RBFOX3: variants seen among roughly 807,000 people sequenced by gnomAD.
RBFOX3 encodes RNA binding protein fox-1 homolog 3.
In RBFOX3, 17 loss-of-function variants were observed where a neutral mutation model predicts 48.7. That is an observed-to-expected ratio of 0.35 (90% confidence interval 0.24 to 0.52). The LOEUF is 0.52. Among genes scored for constraint, RBFOX3 ranks in the 20% least tolerant of loss-of-function variants. The probability of loss-of-function intolerance (pLI) is 0.94; values close to 1 mark genes in which losing one functional copy is unlikely to be tolerated. For missense variants in RBFOX3, 382 were observed against 497.5 expected (o/e 0.77, Z 2.21); for synonymous variants, 212 against 209.5 (o/e 1.01, Z -0.10).
chr17:79,387,460 C>T (rs960880467), intron 2 of RBFOX3, among the ~76,000 whole-genome samples: 11 of 152,362 alleles, frequency 7.2e-5, no homozygotes, highest in Middle Eastern at 3.4e-3. Context: ...CTCAGCTTTC[C>T]GGCAGGGCCT....
chr17:79,578,077 G>A (rs930979057), intron 1 of RBFOX3, among the ~76,000 whole-genome samples: 6 of 152,232 alleles, frequency 3.9e-5, no homozygotes, highest in South Asian at 4.1e-4. Context: ...CTGGCTTTCC[G>A]GATGGGCAGG....
At chr17:79,333,101 AAG>A (rs34328795) in intron 2 of RBFOX3, among the ~76,000 whole-genome samples, 29,004 of 151,450 alleles carry the variant, frequency 0.19, 3,723 homozygotes, top group Non-Finnish European at 0.29. Flanking sequence ...CACAGAGAAA[AAG>A]AGAGAGAGAG....
chr17:79,665,357 C>G, the RBFOX3 span, among the ~76,000 whole-genome samples: 2 of 149,986 alleles, frequency 1.3e-5, no homozygotes, highest in Non-Finnish European at 3.0e-5. Context: ...CAGAGCTGCA[C>G]GAAATCTCCT....
chr17:79,565,139 GTATT>G (rs1167776835), intron 1 of RBFOX3, among the ~76,000 whole-genome samples: 77,146 of 151,110 alleles, frequency 0.51, 21,169 homozygotes, highest in South Asian at 0.66. Context: ...TTTAAAATAT[GTATT>G]TTTTTAAAAG....
At chr17:79,231,107 G>A (rs1347000243) in intron 4 of RBFOX3, among the ~76,000 whole-genome samples, 2 of 152,182 alleles carry the variant, frequency 1.3e-5, no homozygotes, top group African/African-American at 4.8e-5. Flanking sequence ...GTCAAGCCTG[G>A]TGTACTCCCT....
intron 4 of RBFOX3, among the ~76,000 whole-genome samples, chr17:79,223,647 T>C (rs1368341649): frequency 1.3e-5 from 2 of 152,156 alleles, no homozygotes; most frequent in Non-Finnish European, 2.9e-5. Context: ...CGGCATCCTC[T>C]GGTCAGAACG....
At chr17:79,430,269 CAAAT>C (rs56370699) in intron 2 of RBFOX3, among the ~76,000 whole-genome samples, 3,108 of 143,994 alleles carry the variant, frequency 0.022, 93 homozygotes, top group African/African-American at 0.07. Flanking sequence ...AAACATCTTC[CAAAT>C]AAATAAATAA....
Position 79,247,310 on chromosome 17 carries a change from A to ATTTTTTT in RBFOX3, c.-73-11512_-73-11506dup, listed in dbSNP as rs57539628. ...AGACACACACAGAGAACATAATCGT[A>ATTTTTTT]TTTTTTTTTTTTTTTTTTTTGAGAC... On this transcript the variant is annotated intron_variant, in intron 3 of 14. Transcript: ENST00000693108. Among the ~76,000 whole-genome samples the ATTTTTTT allele has an allele frequency of 2.4e-3, 279 of 116,542 alleles. 8 individuals carry two copies. The highest frequency in any genetic ancestry group is 3.0e-3 in the Non-Finnish European group (176 of 58,542). The allele number at this position is 116,542 out of a possible 152,430, so 76.5% of individuals were successfully genotyped here. A position where few individuals can be genotyped will look rare whatever the true frequency, so the allele number is the denominator to read the frequency against.
chr17:79,269,680 C>A (rs1439461141), intron 3 of RBFOX3, among the ~76,000 whole-genome samples: 22 of 152,134 alleles, frequency 1.4e-4, no homozygotes, highest in Admixed American at 1.4e-3. Flanking sequence ...CTGCACCCCC[C>A]ACCTCTTTTC....
At chr17:79,279,635 A>G (rs2069780335) in intron 3 of RBFOX3, among the ~76,000 whole-genome samples, 1 of 152,252 alleles carries the variant, frequency 6.6e-6, no homozygotes, top group Non-Finnish European at 1.5e-5. Context: ...GCATTTGCTC[A>G]GTAAACGCAA....
At chr17:79,321,916 G>C (rs1429745218) in intron 2 of RBFOX3, among the ~76,000 whole-genome samples, 1 of 152,136 alleles carries the variant, frequency 6.6e-6, no homozygotes, top group Non-Finnish European at 1.5e-5. Flanking sequence ...ATGTTGGCCA[G>C]ACTGGTCTTG....
the RBFOX3 span, among the ~76,000 whole-genome samples, chr17:79,659,060 C>A: frequency 6.6e-6 from 1 of 152,140 alleles, no homozygotes; most frequent in Admixed American, 6.5e-5. Context: ...AAGACCCAGG[C>A]TCCTCACATC....
chr17:79,519,213 C>T (rs1363014272), intron 1 of RBFOX3, among the ~76,000 whole-genome samples: 8 of 152,250 alleles, frequency 5.3e-5, no homozygotes, highest in African/African-American at 1.7e-4. Context: ...GCAGCCCTCT[C>T]GGCAGATGGG....
chr17:79,344,686 C>CTG (rs1780028917), intron 2 of RBFOX3, among the ~76,000 whole-genome samples: 1 of 152,136 alleles, frequency 6.6e-6, no homozygotes, highest in South Asian at 2.1e-4. Context: ...CCCCAAGTAC[C>CTG]TGGGATTACA....
intron 2 of RBFOX3, among the ~76,000 whole-genome samples, chr17:79,389,408 T>C (rs2061031694): frequency 6.6e-6 from 1 of 152,234 alleles, no homozygotes; most frequent in Non-Finnish European, 1.5e-5. Context: ...CCGTCAGTAA[T>C]GCTGCAGCTG....
chr17:79,547,868 C>T (rs1188958961), intron 1 of RBFOX3, among the ~76,000 whole-genome samples: 1 of 152,178 alleles, frequency 6.6e-6, no homozygotes, highest in African/African-American at 2.4e-5. Context: ...AGCCAACATC[C>T]CGGCACCCCA....
chr17:79,136,337 A>T (rs1388060042), intron 4 of RBFOX3: 1 of 152,326 alleles, frequency 6.6e-6, no homozygotes, highest in Non-Finnish European at 1.5e-5. Flanking sequence ...ACCCCTATGT[A>T]AGGTGGTGGA....
rs1023247337 is a variant in RBFOX3 at position 79,585,520 on chromosome 17, G to A, written c.-320+25306C>T. Among the ~76,000 whole-genome samples, 465 of 152,104 alleles carry A rather than the reference G, an allele frequency of 3.1e-3. 2 individuals carry two copies. Among genetic ancestry groups the A allele is most frequent in the African/African-American group, 0.011 (449 of 41,484 alleles). ...TGCAGTGAGCCGAGTTCACAGCATC[G>A]CACTCCAGCCTGGGCGACAACAGCG... On this transcript the variant is annotated intron_variant, in intron 1 of 14. Transcript: ENST00000693108.
At chr17:79,268,502 G>A (rs1242000022) in intron 3 of RBFOX3, among the ~76,000 whole-genome samples, 1 of 152,130 alleles carries the variant, frequency 6.6e-6, no homozygotes, top group Admixed American at 6.5e-5. Context: ...GGGTGGGGAC[G>A]TCTCTTCTGC....
Sources: allele counts gnomAD v4.1 joint callset (sites outside exome capture counted in the v4.1 genomes callset), GRCh38; gene constraint gnomAD v4.1.1; transcripts MANE v1.5; gene names NCBI Gene and HGNC (gene_info 2026-07-23, HGNC 2026-07-21).